RBMS1: variants seen among roughly 807,000 people sequenced by gnomAD.
RBMS1 encodes the protein RNA-binding motif, single-stranded-interacting protein 1.
In RBMS1, 17 loss-of-function variants were observed where a neutral mutation model predicts 62.3. The ratio of observed to expected loss-of-function variants is 0.27; its 90% CI spans 0.19 to 0.41. The LOEUF is 0.41. RBMS1 is among the 10% of genes least tolerant of loss of function. The pLI is 1.00. For missense variants in RBMS1, 334 were observed against 504.5 expected, an observed-to-expected ratio of 0.66 and a Z score of 3.24; for synonymous variants, 172 against 170.0, an observed-to-expected ratio of 1.01 and a Z score of -0.09.
chr2:160,340,090 AT>A (rs1250518956), intron 2 of RBMS1, among the ~76,000 whole-genome samples: 1 of 152,110 alleles, frequency 6.6e-6, no homozygotes, highest in Non-Finnish European at 1.5e-5. Flanking sequence ...TTACTTTTTG[AT>A]TCTTACTTTC....
intron 1 of RBMS1, among the ~76,000 whole-genome samples, chr2:160,436,288 A>T (rs560797970): frequency 6.6e-6 from 1 of 152,366 alleles, no homozygotes; most frequent in East Asian, 1.9e-4. Context: ...ACCACCATGT[A>T]AAAAGTCCAA....
intron 9 of RBMS1, chr2:160,283,381 T>C (rs759597568): frequency 6.6e-6 from 1 of 152,024 alleles, no homozygotes; most frequent in Non-Finnish European, 1.5e-5. Context: ...AGGATAGGAA[T>C]CCTAAATCCA....
chr2:160,321,331 C>T (rs1690549486), intron 2 of RBMS1, among the ~76,000 whole-genome samples: 1 of 152,076 alleles, frequency 6.6e-6, no homozygotes, highest in Non-Finnish European at 1.5e-5. Flanking sequence ...GGGTTCTTTG[C>T]CCATTCAGCT....
chr2:160,372,224 T>G (rs1297162519), intron 1 of RBMS1, among the ~76,000 whole-genome samples: 1 of 151,796 alleles, frequency 6.6e-6, no homozygotes, highest in African/African-American at 2.4e-5. Flanking sequence ...ATAATTCTAG[T>G]ACGTTTTGAA....
At chr2:160,484,496 C>CACA (rs757445379) in intron 1 of RBMS1, among the ~76,000 whole-genome samples, 24 of 149,216 alleles carry the variant, frequency 1.6e-4, no homozygotes, top group African/African-American at 2.7e-4. Context: ...GAGACTCCGT[C>CACA]ACAACAACAA....
At chr2:160,481,009 A>G (rs1685345615) in intron 1 of RBMS1, among the ~76,000 whole-genome samples, 1 of 147,134 alleles carries the variant, frequency 6.8e-6, no homozygotes, top group Admixed American at 6.9e-5. Context: ...TGAACCTGGG[A>G]GGCAGAGGTT....
intron 1 of RBMS1, among the ~76,000 whole-genome samples, chr2:160,484,474 G>T (rs912811528): frequency 1.3e-5 from 2 of 151,388 alleles, no homozygotes; most frequent in Non-Finnish European, 2.9e-5. Flanking sequence ...CAGCCTGGGC[G>T]ACAGAGCGAG....
At chr2:160,411,036 C>T (rs1235330205) in intron 1 of RBMS1, among the ~76,000 whole-genome samples, 1 of 152,214 alleles carries the variant, frequency 6.6e-6, no homozygotes, top group Non-Finnish European at 1.5e-5. Context: ...GCCACCGCAC[C>T]TCACCAATGC....
At chr2:160,391,750 G>A (rs1465916382) in intron 1 of RBMS1, among the ~76,000 whole-genome samples, 1 of 152,100 alleles carries the variant, frequency 6.6e-6, no homozygotes, top group African/African-American at 2.4e-5. Context: ...AGCCAAGATG[G>A]GCAGACCACC....
intron 1 of RBMS1, among the ~76,000 whole-genome samples, chr2:160,457,151 G>A (rs933604547): frequency 6.6e-6 from 1 of 150,694 alleles, no homozygotes; most frequent in African/African-American, 2.4e-5. Flanking sequence ...TTATTTTTGA[G>A]ATGGAGTCTT....
At chr2:160,398,048 C>T (rs1695237373) in intron 1 of RBMS1, among the ~76,000 whole-genome samples, 1 of 152,194 alleles carries the variant, frequency 6.6e-6, no homozygotes, top group Non-Finnish European at 1.5e-5. Context: ...TGAGAAGTTT[C>T]TGTGCTTCTT....
intron 1 of RBMS1, among the ~76,000 whole-genome samples, chr2:160,465,651 T>C (rs912018071): frequency 7.2e-5 from 11 of 152,180 alleles, no homozygotes; most frequent in Non-Finnish European, 1.6e-4. Context: ...GCCGGAGGAC[T>C]GTGGGGCAGA....
intron 1 of RBMS1, among the ~76,000 whole-genome samples, chr2:160,410,953 A>T (rs559868118): frequency 1.3e-5 from 2 of 152,322 alleles, no homozygotes; most frequent in Non-Finnish European, 2.9e-5. Context: ...CATGTTGGCC[A>T]GGATGGTCTC....
rs898486483 is a variant in RBMS1 at position 160,438,448 on chromosome 2, A to G, written c.75+54841T>C. Reference sequence around the variant, plus strand: ...TGTCCCTGGGTACTTGAGATTAGGGAGTGGTGATGACTCTTAACGAGCATG... The same window carrying G: ...TGTCCCTGGGTACTTGAGATTAGGGGGTGGTGATGACTCTTAACGAGCATG... On this transcript the variant is annotated intron_variant, in intron 1 of 13. Transcript: ENST00000348849. Among the ~76,000 whole-genome samples the G allele has an allele frequency of 2.1e-3, 325 of 151,710 alleles. 2 individuals are homozygous for G. Among genetic ancestry groups the G allele is most frequent in the Non-Finnish European group, 3.7e-3 (248 of 67,880 alleles).
intron 2 of RBMS1, among the ~76,000 whole-genome samples, chr2:160,344,264 G>A (rs975713774): frequency 1.3e-5 from 2 of 152,176 alleles, no homozygotes; most frequent in Non-Finnish European, 2.9e-5. Context: ...TAACTTGTAA[G>A]CAGCAACTGG....
At chr2:160,354,137 G>A (rs1025376453) in intron 2 of RBMS1, among the ~76,000 whole-genome samples, 1 of 152,012 alleles carries the variant, frequency 6.6e-6, no homozygotes, top group Non-Finnish European at 1.5e-5. Context: ...TTTGATTCTG[G>A]TGCGTGTTCC....
chr2:160,407,731 C>T lies in RBMS1; in HGVS notation c.76-40340G>A, dbSNP rs1465222947. 8 of 981,448 alleles carry T rather than the reference C, an allele frequency of 8.2e-6. No individual in the cohort carries two copies. In the African/African-American group the frequency reaches 8.8e-5, roughly 11 times the overall value. The allele number at this position is 981,448 out of a possible 1,614,324, so 60.8% of individuals were successfully genotyped here. A position where few individuals can be genotyped will look rare whatever the true frequency, so the allele number is the denominator to read the frequency against. ...CCTCCGCCTTCGACCTCCGCACTCG[C>T]CTAAAAGTACGGCGCGGCAGCGGGC... On this transcript the variant is annotated intron_variant, in intron 1 of 13. Transcript: ENST00000348849.
At chr2:160,330,992 A>G (rs962867610) in intron 2 of RBMS1, among the ~76,000 whole-genome samples, 4 of 152,120 alleles carry the variant, frequency 2.6e-5, no homozygotes, top group Non-Finnish European at 5.9e-5. Context: ...GGAGGCAGAG[A>G]TTGGAGGGAG....
intron 4 of RBMS1, among the ~76,000 whole-genome samples, chr2:160,304,470 G>A (rs1689386114): frequency 6.6e-6 from 1 of 152,164 alleles, no homozygotes; most frequent in African/African-American, 2.4e-5. Flanking sequence ...AGGAAGATAA[G>A]CCATGCTTAT....
Sources: allele counts gnomAD v4.1 joint callset (sites outside exome capture counted in the v4.1 genomes callset), GRCh38; gene constraint gnomAD v4.1.1; transcripts MANE v1.5; gene names NCBI Gene and HGNC (gene_info 2026-07-23, HGNC 2026-07-21).